Variants in NIPAL1 observed in about 807,000 individuals in gnomAD.
NIPAL1 encodes the protein magnesium transporter NIPA3.
NIPAL1 carries 35 observed loss-of-function variants against 37.7 expected under a neutral mutation model. The ratio of observed to expected loss-of-function variants is 0.93; its 90% CI spans 0.71 to 1.23. The LOEUF is 1.23. Ranked by LOEUF, NIPAL1 falls within the 50% of genes most tolerant of loss-of-function variation. NIPAL1 has a pLI of 0.00. For missense variants in NIPAL1, 412 were observed against 473.9 expected (o/e 0.87, Z 1.21); for synonymous variants, 162 against 183.0 (o/e 0.89, Z 0.93).
chr4:48,020,562 G>A (rs372958958), intron 1 of NIPAL1, among the ~76,000 whole-genome samples: 1 of 152,200 alleles, frequency 6.6e-6, no homozygotes, highest in South Asian at 2.1e-4. Context: ...CTTCATGTGG[G>A]ATGAGCTCAG....
chr4:48,023,430 G>C (rs865937794), intron 1 of NIPAL1, among the ~76,000 whole-genome samples: 1 of 152,142 alleles, frequency 6.6e-6, no homozygotes, highest in South Asian at 2.1e-4. Flanking sequence ...GACATCATTT[G>C]ATCAAACTGC....
In NIPAL1 at chr4:48,036,313, AT is replaced by A; in HGVS notation, c.*148del. The A allele has an allele frequency of 4.2e-6, 3 of 713,412 alleles. No homozygotes were observed. Among genetic ancestry groups the A allele is most frequent in the Non-Finnish European group, 6.8e-6 (3 of 443,870 alleles). 44.2% of individuals were successfully genotyped at this position (713,412 alleles called of 1,614,324 possible). A position where few individuals can be genotyped will look rare whatever the true frequency, so the allele number is the denominator to read the frequency against. On this transcript the variant is annotated 3_prime_UTR_variant, in exon 6 of 6. Transcript: ENST00000295461. ...AGATGTGAGGCCAAGTAAAAATGCC[AT>A]TTTTTTGGCCATTGAATTTGAAAAT...
In NIPAL1 at chr4:48,039,398, G is replaced by A. The variant is rs1716029091; in HGVS notation, c.*3226G>A. The A allele has an allele frequency of 3.3e-5, 5 of 151,844 alleles. No homozygotes were observed. The highest frequency in any genetic ancestry group is 3.3e-4 in the Admixed American group (5 of 15,238). 9.4% of individuals were successfully genotyped at this position (151,844 alleles called of 1,614,324 possible). A position where few individuals can be genotyped will look rare whatever the true frequency, so the allele number is the denominator to read the frequency against. On this transcript the variant is annotated 3_prime_UTR_variant, in exon 6 of 6. Transcript: ENST00000295461. ...ATTTTCTAAGGAAGAATAAAATGCT[G>A]GACCCCTATATTCAGACTATTAGTC...
chr4:48,020,497 A>G (rs1355054435), intron 1 of NIPAL1, among the ~76,000 whole-genome samples: 5 of 152,190 alleles, frequency 3.3e-5, no homozygotes, highest in Non-Finnish European at 5.9e-5. Flanking sequence ...ACTGATCTAG[A>G]TGGGGCTCAC....
Position 48,035,710 on chromosome 4 carries a change from G to A in NIPAL1, c.771G>A (p.Leu257=). ...GAFSVSSVKG[L]GIAIKELIEW... is the part of the protein sequence containing the mutation. Reference sequence around the variant, plus strand: ...TTTCAGTTTCTTCTGTGAAAGGCCTGGGAATTGCCATTAAGGAGCTGATAG... The same window carrying A: ...TTTCAGTTTCTTCTGTGAAAGGCCTAGGAATTGCCATTAAGGAGCTGATAG... The change falls in exon 6 of 6, where the codon CTG becomes CTA. Residue 257 remains leucine, a synonymous_variant. Transcript: ENST00000295461. The A allele has an allele frequency of 4.3e-6, 7 of 1,614,066 alleles. No homozygotes were observed. Among genetic ancestry groups the A allele is most frequent in the Non-Finnish European group, 5.9e-6 (7 of 1,179,980 alleles).
In NIPAL1 at chr4:48,036,164, G is replaced by C; in HGVS notation, c.1225G>C (p.Asp409His). The change falls in exon 6 of 6, where the codon GAT (aspartate) becomes CAT (histidine). Residue 409 changes from aspartate to histidine, a missense_variant. Transcript: ENST00000295461. ...NDDVTLFSRT[D>H]D The stretch of plus-strand genomic sequence containing the variant: ...TGACGTTACCTTGTTTAGTAGAACT[G>C]ATGACTGAAGTCTCTAGAAACACTG... 4 of 1,596,830 alleles carry C rather than the reference G, an allele frequency of 2.5e-6. No homozygotes were observed. The highest frequency in any genetic ancestry group is 2.6e-6 in the Non-Finnish European group (3 of 1,176,198).
chr4:48,025,051 T>C lies in NIPAL1; in HGVS notation c.47-17T>C. ...CTCCCTTTCATTCCTGACATTCTCTTCTTTCCTTTTTTCCAGGATATGTGC... is the reference window on the plus strand; with the variant it reads ...CTCCCTTTCATTCCTGACATTCTCTCCTTTCCTTTTTTCCAGGATATGTGC... On this transcript the variant is annotated splice_polypyrimidine_tract_variant and intron_variant, in intron 1 of 5. Transcript: ENST00000295461. 1 of 1,609,740 alleles carries C rather than the reference T, an allele frequency of 6.2e-7. No individual in the cohort carries two copies. Among genetic ancestry groups the C allele is most frequent in the Non-Finnish European group, 8.5e-7 (1 of 1,176,920 alleles).
chr4:48,030,780 C>T (rs934959576), intron 3 of NIPAL1, among the ~76,000 whole-genome samples: 4 of 152,228 alleles, frequency 2.6e-5, no homozygotes, highest in African/African-American at 9.6e-5. Context: ...CTTTTGCTGA[C>T]TTCAGTCTCC....
At chr4:48,025,391 G>T (rs1346439910) in intron 2 of NIPAL1, 57 bp downstream of exon 2, 6 of 1,497,978 alleles carry the variant, frequency 4.0e-6, no homozygotes, top group African/African-American at 1.4e-5. Flanking sequence ...ATGATGTGAG[G>T]CCACATCTCA....
intron 2 of NIPAL1, among the ~76,000 whole-genome samples, 197 bp downstream of exon 2, chr4:48,025,531 C>T (rs996157182): frequency 2.0e-5 from 3 of 152,268 alleles, no homozygotes; most frequent in South Asian, 4.1e-4. Context: ...GATAGTCAGG[C>T]AGACCTACTC....
At position 48,035,856 on chromosome 4, in the gene NIPAL1, T is replaced by C. The variant is rs764634145; in HGVS notation, c.917T>C (p.Val306Ala). 68 of 1,613,962 alleles carry C rather than the reference T, an allele frequency of 4.2e-5. No individual in the cohort carries two copies. The highest frequency in any genetic ancestry group is 5.6e-5 in the Non-Finnish European group (66 of 1,179,926). ...CTGGACACCTTTAATACCTCTCTTG[T>C]GACACCCATTTATTATGTATTCTTC... ...KALDTFNTSL[V>A]TPIYYVFFTS... Residue 306 changes from valine to alanine, a missense_variant, in exon 6 of 6, where the codon GTG becomes GCG. By Grantham distance (64) the Val-to-Ala change is moderately conservative (BLOSUM62 0). Transcript: ENST00000295461.
At chr4:48,032,623 T>C (rs1167948807) in intron 3 of NIPAL1, among the ~76,000 whole-genome samples, 1 of 152,216 alleles carries the variant, frequency 6.6e-6, no homozygotes, top group Admixed American at 6.5e-5. Context: ...TACAAAGCTG[T>C]AGGTATTCTT....
rs1452389234 is a variant in NIPAL1, at chr4:48,016,789, G to A, written c.-51G>A. On this transcript the variant is annotated 5_prime_UTR_variant, in exon 1 of 6. Transcript: ENST00000295461. The stretch of plus-strand genomic sequence containing the variant: ...CGCCCGCCGCGGGTGCGTGTGGAGA[G>A]GCCCAGGTGAGGAGCAAGCGCCCGC... The A allele has an allele frequency of 3.3e-6, 5 of 1,529,412 alleles. No homozygotes were observed. In the East Asian group the frequency reaches 7.3e-5, roughly 22 times the overall value. 94.7% of individuals were successfully genotyped at this position (1,529,412 alleles called of 1,614,324 possible).
chr4:48,018,799 G>C (rs912833968), intron 1 of NIPAL1, among the ~76,000 whole-genome samples: 1 of 152,168 alleles, frequency 6.6e-6, no homozygotes, highest in East Asian at 1.9e-4. Flanking sequence ...TGTTCAGATG[G>C]CAGCTACTAT....
At chr4:48,017,625 T>C (rs1715465151) in intron 1 of NIPAL1, among the ~76,000 whole-genome samples, 1 of 152,108 alleles carries the variant, frequency 6.6e-6, no homozygotes, top group Non-Finnish European at 1.5e-5. Context: ...CTTCGCCAAG[T>C]GTTCGCAACA....
At position 48,036,710 on chromosome 4, in the gene NIPAL1, T is replaced by G. The variant is rs534485591; in HGVS notation, c.*538T>G. The G allele has an allele frequency of 6.5e-6, 1 of 153,604 alleles. No homozygotes were observed. The highest frequency in any genetic ancestry group is 1.9e-4 in the East Asian group (1 of 5,212). 9.5% of individuals were successfully genotyped at this position (153,604 alleles called of 1,614,324 possible). On this transcript the variant is annotated 3_prime_UTR_variant, in exon 6 of 6. Transcript: ENST00000295461. ...TGGGAGGCCAAGGCGGACAGATCAC[T>G]TGAGCTCAGGAGTTCGAGACCACCT... is the stretch of plus-strand genomic sequence containing the variant.
At chr4:48,024,302 A>G (rs950032042) in intron 1 of NIPAL1, among the ~76,000 whole-genome samples, 2 of 150,844 alleles carry the variant, frequency 1.3e-5, no homozygotes, top group African/African-American at 2.4e-5. Context: ...CTTTTTCGAG[A>G]CAGGGTCTTG....
At chr4:48,017,081 C>T (rs1386361346) in intron 1 of NIPAL1, among the ~76,000 whole-genome samples, 196 bp downstream of exon 1, 1 of 152,248 alleles carries the variant, frequency 6.6e-6, no homozygotes, top group African/African-American at 2.4e-5. Context: ...CTAGGCGATT[C>T]GGGCTGTGCT....
At chr4:48,029,945 GA>G (rs1019646512) in intron 2 of NIPAL1, among the ~76,000 whole-genome samples, 174 bp from the exon 3 acceptor site, 7 of 151,936 alleles carry the variant, frequency 4.6e-5, no homozygotes, top group African/African-American at 7.2e-5. Flanking sequence ...TAAATTGGGG[GA>G]AAAAAAGCTT....
Sources: allele counts gnomAD v4.1 joint callset (sites outside exome capture counted in the v4.1 genomes callset), GRCh38; gene constraint gnomAD v4.1.1; transcripts MANE v1.5; gene names NCBI Gene and HGNC (gene_info 2026-07-23, HGNC 2026-07-21).